Variants in TAF1C observed in about 807,000 individuals in gnomAD.
TAF1C encodes the protein TATA-box binding protein associated factor, RNA polymerase I subunit C, also known as TATA box-binding protein-associated factor RNA polymerase I subunit C.
Under a neutral mutation model 70.5 loss-of-function variants are expected in TAF1C, and 79 were observed. That is an observed-to-expected ratio of 1.12 (90% CI 0.93 to 1.35). The LOEUF is 1.35. Among genes scored for constraint, TAF1C ranks in the 40% most tolerant of loss-of-function variants. The probability of loss-of-function intolerance (pLI) is 0.00; values close to 1 mark genes in which losing one functional copy is unlikely to be tolerated. For missense variants in TAF1C, 1,412 were observed against 1,127.8 expected (o/e 1.25, Z -3.61); for synonymous variants, 614 against 491.1 (o/e 1.25, Z -3.31).
In TAF1C at chr16:84,178,821, A is replaced by G. The variant is rs1486540266; in HGVS notation, c.*120T>C. The G allele has an allele frequency of 8.8e-7, 1 of 1,135,570 alleles. No homozygotes were observed. Among genetic ancestry groups the G allele is most frequent in the Non-Finnish European group, 1.2e-6 (1 of 814,456 alleles). The allele number at this position is 1,135,570 out of a possible 1,614,324, so 70.3% of individuals were successfully genotyped here. A position where few individuals can be genotyped will look rare whatever the true frequency, so the allele number is the denominator to read the frequency against. ...GCTCCAAATTGCTTGGCTCATCATC[A>G]CAGTGGCCTCCAGAAGGTGGCGAGC... On this transcript the variant is annotated 3_prime_UTR_variant, in exon 15 of 15. Transcript: ENST00000566732.
At chr16:84,185,282 T>G in intron 1 of TAF1C, 1 of 281,138 alleles carries the variant, frequency 3.6e-6, no homozygotes, top group South Asian at 5.9e-5. Flanking sequence ...AGCCTGAACC[T>G]AGTGAAGGAG....
rs35555723 is a variant in TAF1C at position 84,182,218 on chromosome 16, G to A, written c.705C>T (p.Gly235=). The A allele has an allele frequency of 3.1e-4, 495 of 1,610,922 alleles. 5 individuals are homozygous for A. The African/African-American group carries it at 5.1e-3, about 17-fold the overall frequency. The change falls in exon 7 of 15, where the codon GGC becomes GGT. Residue 235 remains glycine (G), a synonymous_variant. Transcript: ENST00000566732. This position sits in a 1 kb window ranked among gnomAD's most constrained non-coding sequence, Gnocchi z 5.0. ...QFGQLVYPAG[G]AQDRLHFQEV... ...AAAGGATACGCAGCCTGTCCTGGGC[G>A]CCTCCAGCAGGGTAGACCAGCTGCC...
At chr16:84,180,373 G>A in intron 12 of TAF1C, 29 bp from the exon 13 acceptor site, 1 of 1,529,956 alleles carries the variant, frequency 6.5e-7, no homozygotes. Flanking sequence ...GGGGGATGTG[G>A]CCGAACTTGG....
Position 84,179,706 on chromosome 16 carries a change from G to A in TAF1C, c.1767C>T (p.Gly589=), listed in dbSNP as rs529679076. Reference sequence around the variant, plus strand: ...GGGCATGGCAGTCAGGTTGGGTGTCGCCAGGAGGCCCAGCATCTCTGCGGA... The same window carrying A: ...GGGCATGGCAGTCAGGTTGGGTGTCACCAGGAGGCCCAGCATCTCTGCGGA... ...SSLRRDAGPP[G]DTQPDCHAPT... Residue 589 remains glycine (G), a synonymous_variant, in exon 15 of 15, where the codon GGC becomes GGT. Coordinates refer to ENST00000566732, the MANE Select transcript of TAF1C (RefSeq NM_001243156.2). The A allele has an allele frequency of 2.2e-5, 35 of 1,612,202 alleles. No homozygotes were observed. The African/African-American group carries it at 2.3e-4, about 10-fold the overall frequency.
intron 1 of TAF1C, among the ~76,000 whole-genome samples, chr16:84,186,551 T>C (rs887852151): frequency 6.6e-6 from 1 of 152,136 alleles, no homozygotes; most frequent in African/African-American, 2.4e-5. Context: ...AGGTTCTATC[T>C]CAAAAATAAA....
At chr16:84,186,446 G>A (rs2089494300) in intron 1 of TAF1C, among the ~76,000 whole-genome samples, 1 of 152,134 alleles carries the variant, frequency 6.6e-6, no homozygotes, top group African/African-American at 2.4e-5. Flanking sequence ...CGCAACTACC[G>A]AGGAGGCTGG....
At chr16:84,181,301 G>T in intron 11 of TAF1C, 27 bp downstream of exon 11, 1 of 1,611,070 alleles carries the variant, frequency 6.2e-7, no homozygotes, top group Non-Finnish European at 8.5e-7. Flanking sequence ...CCGCAGTCGG[G>T]GTGGGTCCTC....
At chr16:84,179,893 G>A (rs1243535077) in intron 14 of TAF1C, 42 bp from the exon 15 acceptor site, 2 of 1,609,230 alleles carry the variant, frequency 1.2e-6, no homozygotes, top group African/African-American at 1.3e-5. Context: ...CCTAGCGGGG[G>A]GAGGGGATGT....
chr16:84,179,743 A>C lies in TAF1C; in HGVS notation c.1730T>G (p.Val577Gly), dbSNP rs750865078. Reference protein sequence around the residue: ...DVFYQQLRPQVDSSLRRDAGP... With the variant: ...DVFYQQLRPQGDSSLRRDAGP... ...AGCATCTCTGCGGAGGCTGGAGTCC[A>C]CCTGGGGGCGGAGCTGCTGGTAGAA... The change falls in exon 15 of 15, where the codon GTG becomes GGG. Residue 577 changes from valine to glycine, a missense_variant. Physicochemically the swap from Val to Gly is moderately radical, Grantham distance 109. Transcript: ENST00000566732. The C allele has an allele frequency of 1.2e-6, 2 of 1,610,990 alleles. No individual in the cohort carries two copies. Among genetic ancestry groups the C allele is most frequent in the South Asian group, 2.2e-5 (2 of 90,886 alleles).
At position 84,182,178 on chromosome 16, in the gene TAF1C, C is replaced by T; in HGVS notation, c.721+24G>A. On this transcript the variant is annotated intron_variant, in intron 7 of 14. Coordinates refer to ENST00000566732, the MANE Select transcript of TAF1C (RefSeq NM_001243156.2). This position sits in a 1 kb window ranked among gnomAD's most constrained non-coding sequence, Gnocchi z 5.0. Reference sequence around the variant, plus strand: ...CTACCAGAGGCGAGCCCGCTGGAATCTCCTGTCTCGCAAGAAAGGATACGC... The same window carrying T: ...CTACCAGAGGCGAGCCCGCTGGAATTTCCTGTCTCGCAAGAAAGGATACGC... The T allele has an allele frequency of 5.0e-6, 8 of 1,599,424 alleles. No individual in the cohort carries two copies. The highest frequency in any genetic ancestry group is 6.8e-6 in the Non-Finnish European group (8 of 1,170,806).
Position 84,178,000 on chromosome 16 carries a change from C to T in TAF1C, c.*941G>A, listed in dbSNP as rs1163130870. ...TTTCACCAGCCAACCTGAAAAAAGA[C>T]CTTTCTCTTACTATGTCATCAGAAA... On this transcript the variant is annotated 3_prime_UTR_variant, in exon 15 of 15. Coordinates refer to ENST00000566732, the MANE Select transcript of TAF1C (RefSeq NM_001243156.2). 1.4e-6 allele frequency: 1 copy of T among 691,014 alleles called. No homozygotes were observed. The highest frequency in any genetic ancestry group is 2.6e-6 in the Non-Finnish European group (1 of 385,614). The allele number at this position is 691,014 out of a possible 1,614,324, so 42.8% of individuals were successfully genotyped here.
intron 2 of TAF1C, among the ~76,000 whole-genome samples, chr16:84,184,221 G>A (rs925720594): frequency 6.6e-6 from 1 of 152,216 alleles, no homozygotes; most frequent in East Asian, 1.9e-4. Flanking sequence ...AAAAGAGCTA[G>A]GAAACCAGAC....
chr16:84,182,341 C>T lies in TAF1C; in HGVS notation c.582G>A (p.Leu194=), dbSNP rs1405531779. Residue 194 remains leucine (L), a synonymous_variant, in exon 7 of 15, where the codon CTG becomes CTA. Coordinates refer to ENST00000566732, the MANE Select transcript of TAF1C (RefSeq NM_001243156.2). The surrounding 1 kb of genome is among the most constrained non-coding windows in gnomAD (Gnocchi z 5.0). ...TSVASHLAEL[L]HEELVLRWEQ... is the part of the protein sequence containing the mutation. ...CCCACCGCAGCACCAGCTCCTCGTG[C>T]AGCAGCTCTGCCAAGTGGCTCGCCA... The T allele has an allele frequency of 3.7e-6, 6 of 1,612,626 alleles. No homozygotes were observed. The highest frequency in any genetic ancestry group is 4.5e-5 in the East Asian group (2 of 44,862).
intron 12 of TAF1C, 89 bp downstream of exon 12, chr16:84,180,954 G>A: frequency 6.8e-7 from 1 of 1,478,650 alleles, no homozygotes. Context: ...GGTTGTCTGG[G>A]CCCAGCAGAG....
rs2089287854 is a variant in TAF1C at position 84,182,985 on chromosome 16, T to C, written c.482+91A>G. The C allele has an allele frequency of 2.3e-6, 3 of 1,325,744 alleles. No homozygotes were observed. The highest frequency in any genetic ancestry group is 2.4e-5 in the South Asian group (2 of 83,824). 82.1% of individuals were successfully genotyped at this position (1,325,744 alleles called of 1,614,324 possible). ...GCATGGAGCAGGGGGGAAGTGGGTA[T>C]GACGGAAAGCTGTACGTGCGTCCTA... On this transcript the variant is annotated intron_variant, in intron 6 of 14. Transcript: ENST00000566732. This position sits in a 1 kb window ranked among gnomAD's most constrained non-coding sequence, Gnocchi z 5.0.
At position 84,179,025 on chromosome 16, in the gene TAF1C, G is replaced by A. The variant is rs141209886; in HGVS notation, c.2448C>T (p.Ser816=). 32 of 1,610,606 alleles carry A rather than the reference G, an allele frequency of 2.0e-5. No homozygotes were observed. Among genetic ancestry groups the A allele is most frequent in the Middle Eastern group, 3.3e-4 (2 of 6,084 alleles). The part of the protein sequence containing the change: ...ATTPPHSQAS[S]VRATRSQQHT... ...GCTGCTGGGAGCGAGTGGCCCGGAC[G>A]CTGGAGGCCTGGGAGTGGGGAGGTG... Residue 816 remains serine (S), a synonymous_variant, in exon 15 of 15, where the codon AGC becomes AGT. Coordinates refer to ENST00000566732, the MANE Select transcript of TAF1C (RefSeq NM_001243156.2).
At position 84,179,954 on chromosome 16, in the gene TAF1C, G is replaced by A. The variant is rs559053682; in HGVS notation, c.1613C>T (p.Pro538Leu). 20 of 1,612,296 alleles carry A rather than the reference G, an allele frequency of 1.2e-5. No homozygotes were observed. In the East Asian group the frequency reaches 1.6e-4, roughly 13 times the overall value. The change falls in exon 14 of 15, where the codon CCG (proline) becomes CTG (leucine). Residue 538 changes from proline (P) to leucine (L), a missense_variant. Coordinates refer to ENST00000566732, the MANE Select transcript of TAF1C (RefSeq NM_001243156.2). ...QWRLQERLKAPTIGLAAVVPP... is the reference protein window; with the variant it reads ...QWRLQERLKALTIGLAAVVPP... ...TCCCCCACCCAGCACACCTATGGTC[G>A]GTGCTTTCAGGCGCTCCTGCAGCCG...
rs749023688 is a variant in TAF1C, at chr16:84,177,884, G to A, written c.*1057C>T. The A allele has an allele frequency of 4.7e-6, 7 of 1,492,750 alleles. No homozygotes were observed. In the African/African-American group the frequency reaches 5.5e-5, roughly 12 times the overall value. 92.5% of individuals were successfully genotyped at this position (1,492,750 alleles called of 1,614,324 possible). On this transcript the variant is annotated 3_prime_UTR_variant, in exon 15 of 15. Coordinates refer to ENST00000566732, the MANE Select transcript of TAF1C (RefSeq NM_001243156.2). ...TAGCATAAATGGTTTAATCATAAAT[G>A]TCTCCCTTAGGCATGATAAACATTT...
At position 84,178,152 on chromosome 16, in the gene TAF1C, A is replaced by G; in HGVS notation, c.*789T>C. On this transcript the variant is annotated 3_prime_UTR_variant, in exon 15 of 15. Transcript: ENST00000566732. ...TGATGCTTTAGACATCAAAATGAGA[A>G]GGGGAGGGAGGAAAGAAAGGGGGGA... The G allele has an allele frequency of 2.6e-6, 1 of 385,980 alleles. No homozygotes were observed. Among genetic ancestry groups the G allele is most frequent in the Non-Finnish European group, 5.0e-6 (1 of 199,374 alleles). The allele number at this position is 385,980 out of a possible 1,614,324, so 23.9% of individuals were successfully genotyped here.
Sources: gnomAD v4.1 joint callset for allele counts (sites outside exome capture counted in the v4.1 genomes callset) on GRCh38, gnomAD v4.1.1 for gene constraint, Gnocchi (gnomAD v3.1) non-coding constraint, MANE v1.5 for transcripts, NCBI Gene and HGNC (gene_info 2026-07-23, HGNC 2026-07-21) for gene names.